The following CNST variants were observed in gnomAD, a reference collection of about 807,000 sequenced individuals.
CNST encodes the protein consortin, connexin sorting protein, also known as consortin.
A neutral mutation model predicts 72.4 loss-of-function variants in CNST; 39 were observed. The observed-to-expected ratio is 0.54, with a 90% confidence interval of 0.42 to 0.70. The LOEUF (loss-of-function observed/expected upper bound fraction) is 0.70, where lower values mean the gene tolerates loss of function less well. CNST is among the 30% of genes least tolerant of loss of function. The probability of loss-of-function intolerance (pLI) is 0.00; values close to 1 mark genes in which losing one functional copy is unlikely to be tolerated. For missense variants in CNST, 871 were observed against 868.5 expected (o/e 1.00, Z -0.04); for synonymous variants, 332 against 320.1 (o/e 1.04, Z -0.40).
intron 2 of CNST, among the ~76,000 whole-genome samples, chr1:246,603,632 T>G (rs1056228670): frequency 6.6e-6 from 1 of 152,214 alleles, no homozygotes; most frequent in African/African-American, 2.4e-5. Context: ...GCAATGAAAA[T>G]AAATAAAATC....
chr1:246,664,991 T>C (rs35795797), intron 10 of CNST, among the ~76,000 whole-genome samples: 12,846 of 152,210 alleles, frequency 0.084, 627 homozygotes, highest in Middle Eastern at 0.16. Context: ...TATTGTTTAA[T>C]ATTAAGTCGA....
chr1:246,642,848 A>G (rs373919775), intron 8 of CNST, among the ~76,000 whole-genome samples: 16 of 118,264 alleles, frequency 1.4e-4, no homozygotes, highest in East Asian at 2.5e-4. Flanking sequence ...GATGGTGATG[A>G]TGATGATGGT....
At chr1:246,647,085 C>T in intron 8 of CNST, 54 bp from the exon 9 acceptor site, 2 of 1,486,006 alleles carry the variant, frequency 1.3e-6, no homozygotes, top group Admixed American at 2.0e-5. Flanking sequence ...TCTTTTCCTT[C>T]CTATACAAAG....
At chr1:246,583,741 G>A (rs1433081178) in intron 1 of CNST, among the ~76,000 whole-genome samples, 1 of 152,142 alleles carries the variant, frequency 6.6e-6, no homozygotes, top group South Asian at 2.1e-4. Context: ...AGTGGCTTTT[G>A]GTTACAAAGA....
At chr1:246,586,313 ATCTT>A (rs1661195262) in intron 1 of CNST, among the ~76,000 whole-genome samples, 1 of 147,822 alleles carries the variant, frequency 6.8e-6, no homozygotes, top group Non-Finnish European at 1.5e-5. Context: ...TACAAGCTCT[ATCTT>A]ATGTATCATC....
At chr1:246,648,249 G>A (rs1558590294) in intron 9 of CNST, 4 of 1,319,860 alleles carry the variant, frequency 3.0e-6, no homozygotes, top group Non-Finnish European at 3.9e-6. Flanking sequence ...ACTACAAGAT[G>A]TTCTATTGCA....
chr1:246,660,443 C>T, intron 10 of CNST, 109 bp downstream of exon 10: 2 of 1,248,684 alleles, frequency 1.6e-6, no homozygotes, highest in Non-Finnish European at 2.2e-6. Flanking sequence ...AAGACTATGT[C>T]CGCCAGGCAC....
intron 10 of CNST, 104 bp downstream of exon 10, chr1:246,660,438 T>G (rs1180484068): frequency 7.6e-7 from 1 of 1,312,958 alleles, no homozygotes; most frequent in Non-Finnish European, 1.1e-6. Flanking sequence ...TGTAAAAGAC[T>G]ATGTCCGCCA....
intron 1 of CNST, among the ~76,000 whole-genome samples, chr1:246,585,666 TACACACACACACAC>T (rs56730668): frequency 0.043 from 4,388 of 101,608 alleles, 393 homozygotes; most frequent in African/African-American, 0.16. Context: ...AAAAAAAATA[TACACACACACACAC>T]ACACACACAC....
chr1:246,632,409 T>C, intron 4 of CNST: 1 of 212,798 alleles, frequency 4.7e-6, no homozygotes, highest in Non-Finnish European at 9.7e-6. Context: ...CAGTCTTGCC[T>C]TCCCCTTGGA....
At position 246,665,683 on chromosome 1, in the gene CNST, CTT is replaced by C. The variant is rs1284608809; in HGVS notation, c.1973-15_1973-14del. 6.2e-7 allele frequency: 1 copy of C among 1,607,878 alleles called. No individual in the cohort carries two copies. Among genetic ancestry groups the C allele is most frequent in the East Asian group, 2.2e-5 (1 of 44,866 alleles). On this transcript the variant is annotated splice_polypyrimidine_tract_variant and intron_variant, in intron 10 of 10. Transcript: ENST00000366513. ...ATTTCGGTGACAATGTAACCTCACT[CTT>C]TCTCATGTTTGCAGATGAAGTTGGA...
At chr1:246,638,385 C>T (rs893874173) in intron 6 of CNST, among the ~76,000 whole-genome samples, 10 of 152,128 alleles carry the variant, frequency 6.6e-5, no homozygotes, top group Non-Finnish European at 1.5e-4. Context: ...TTTGGTGGCC[C>T]CTGCAATGAA....
chr1:246,635,025 G>A (rs1348210647), intron 6 of CNST, among the ~76,000 whole-genome samples: 2 of 150,530 alleles, frequency 1.3e-5, no homozygotes, highest in African/African-American at 4.9e-5. Context: ...GCTGACGCGC[G>A]CTGCTGGTGC....
chr1:246,597,491 T>C (rs1393665051), intron 2 of CNST, among the ~76,000 whole-genome samples: 2 of 152,222 alleles, frequency 1.3e-5, no homozygotes, highest in African/African-American at 2.4e-5. Context: ...ACACTAGATA[T>C]TTACTCAGCG....
chr1:246,567,958 C>A (rs1659825810), intron 1 of CNST, among the ~76,000 whole-genome samples: 1 of 152,028 alleles, frequency 6.6e-6, no homozygotes, highest in African/African-American at 2.4e-5. Context: ...ATTATGTCTT[C>A]ATGGTTCACT....
chr1:246,665,112 G>A (rs1001525627), intron 10 of CNST, among the ~76,000 whole-genome samples: 2 of 152,152 alleles, frequency 1.3e-5, no homozygotes, highest in African/African-American at 4.8e-5. Context: ...GCTCACACCT[G>A]TAATCCCAGT....
Position 246,645,378 on chromosome 1 carries a change from ATTAT to A in CNST, c.938-1753_938-1750del, listed in dbSNP as rs532202808. Among the ~76,000 whole-genome samples the A allele has an allele frequency of 2.1e-4, 32 of 151,368 alleles. No individual in the cohort carries two copies. In the East Asian group the frequency reaches 2.1e-3, roughly 10 times the overall value. ...TCTCTTTTATTTTCACCTTTGGCTC[ATTAT>A]TTATTTAAGTTAAACAACATATTAG... On this transcript the variant is annotated intron_variant, in intron 8 of 10. Transcript: ENST00000366513.
chr1:246,569,776 A>T, intron 1 of CNST: 1 of 171,022 alleles, frequency 5.8e-6, no homozygotes, highest in Non-Finnish European at 1.2e-5. Context: ...ATGCTTGTTT[A>T]ATGAGGCTCA....
intron 4 of CNST, among the ~76,000 whole-genome samples, chr1:246,633,539 G>C (rs1324863871): frequency 6.6e-6 from 1 of 151,866 alleles, no homozygotes; most frequent in African/African-American, 2.4e-5. Context: ...TGAGGAGTTC[G>C]AGACGAGCCT....
Sources: allele counts gnomAD v4.1 joint callset (sites outside exome capture counted in the v4.1 genomes callset), GRCh38; gene constraint gnomAD v4.1.1; transcripts MANE v1.5; gene names NCBI Gene and HGNC (gene_info 2026-07-23, HGNC 2026-07-21).